The following CCDC3 variants were observed in gnomAD, a reference collection of about 807,000 sequenced individuals.
The protein encoded by CCDC3 is coiled-coil domain containing 3, also known as coiled-coil domain-containing protein 3.
In CCDC3, 24 loss-of-function variants were observed where a neutral mutation model predicts 21.4. The ratio of observed to expected loss-of-function variants is 1.12; its 90% confidence interval spans 0.81 to 1.58. CCDC3 has a LOEUF of 1.58. Ranked by LOEUF, CCDC3 falls within the 40% of genes most tolerant of loss-of-function variation. The probability of loss-of-function intolerance (pLI) is 0.00; values close to 1 mark genes in which losing one functional copy is unlikely to be tolerated. For synonymous variants in CCDC3, 186 were observed against 166.0 expected (o/e 1.12, Z -0.93); for missense variants, 425 against 360.9 (o/e 1.18, Z -1.44).
intron 2 of CCDC3, among the ~76,000 whole-genome samples, chr10:12,902,112 A>G (rs1467167897): frequency 6.6e-6 from 1 of 152,242 alleles, no homozygotes; most frequent in South Asian, 2.1e-4. Context: ...GACATTCACA[A>G]GTCACAAGCT....
At position 13,009,286 on chromosome 10, in the gene CCDC3, A is replaced by T. The variant is rs190228023; in HGVS notation, c.-1-10774T>A. 2.6e-3 allele frequency among the ~76,000 whole-genome samples: 400 copies of T among 152,310 alleles called. 3 individuals carry two copies. Among genetic ancestry groups the T allele is most frequent in the African/African-American group, 9.2e-3 (384 of 41,582 alleles). ...AAATTGAAGAATATTTTGAAAATGG[A>T]GATATATATTTTTTTCATAGGTTGG... is the stretch of plus-strand genomic sequence containing the variant. On this transcript the variant is annotated intron_variant, in intron 5 of 6. Coordinates refer to the CCDC3 transcript ENST00000378839.
chr10:13,054,406 AT>A (rs965767342), intron 4 of CCDC3, among the ~76,000 whole-genome samples: 17 of 151,024 alleles, frequency 1.1e-4, no homozygotes, highest in Non-Finnish European at 3.0e-5. Flanking sequence ...GATTGCTTCC[AT>A]TTTTTTTGTC....
chr10:13,078,620 T>A (rs1029924848), intron 3 of CCDC3, among the ~76,000 whole-genome samples: 4 of 152,150 alleles, frequency 2.6e-5, no homozygotes, highest in Non-Finnish European at 4.4e-5. Context: ...CAAATGTCCA[T>A]CAATGATAGA....
chr10:12,915,666 G>T (rs1410963916), intron 2 of CCDC3, among the ~76,000 whole-genome samples: 2 of 152,194 alleles, frequency 1.3e-5, no homozygotes, highest in East Asian at 3.9e-4. Flanking sequence ...AGGCTGTCTT[G>T]TGTGGTCATG....
chr10:13,011,185 G>GAAA (rs1201426446), intron 5 of CCDC3, among the ~76,000 whole-genome samples: 7 of 138,162 alleles, frequency 5.1e-5, no homozygotes, highest in Admixed American at 1.4e-4. Context: ...TGTCTCAGAA[G>GAAA]AAAAAAAAAA....
chr10:12,917,938 T>C (rs775643372), intron 2 of CCDC3, among the ~76,000 whole-genome samples: 1 of 152,234 alleles, frequency 6.6e-6, no homozygotes, highest in African/African-American at 2.4e-5. Context: ...CTTAGAAGTA[T>C]GGCTTTATGT....
intron 2 of CCDC3, among the ~76,000 whole-genome samples, chr10:12,945,692 T>A (rs1834905435): frequency 6.6e-6 from 1 of 152,216 alleles, no homozygotes; most frequent in African/African-American, 2.4e-5. Context: ...AAGTAATTGG[T>A]CTAGGAAATA....
At chr10:12,973,485 T>A (rs1401750454) in intron 2 of CCDC3, among the ~76,000 whole-genome samples, 1 of 152,202 alleles carries the variant, frequency 6.6e-6, no homozygotes, top group Non-Finnish European at 1.5e-5. Flanking sequence ...GGAATGCCAC[T>A]GGTCCTTGCC....
intron 3 of CCDC3, among the ~76,000 whole-genome samples, chr10:13,081,694 G>T (rs1837040874): frequency 6.6e-6 from 1 of 152,136 alleles, no homozygotes; most frequent in Admixed American, 6.5e-5. Flanking sequence ...CAGACACAAT[G>T]ACAAGACCAA....
chr10:12,936,543 CT>C (rs1834741239), intron 2 of CCDC3, among the ~76,000 whole-genome samples: 1 of 152,054 alleles, frequency 6.6e-6, no homozygotes. Context: ...AATATTTTAT[CT>C]TTGATTTTCT....
At chr10:13,040,687 TCA>T (rs10653974) in intron 5 of CCDC3, among the ~76,000 whole-genome samples, 6,798 of 142,696 alleles carry the variant, frequency 0.048, 224 homozygotes, top group Admixed American at 0.12. Flanking sequence ...CAAAACTCTG[TCA>T]CACACACACA....
rs1412637586 is a variant in CCDC3 at position 13,001,085 on chromosome 10, C to T, written c.374+112G>A. The stretch of plus-strand genomic sequence containing the variant: ...GGGGTAGGCGCCCCAGGGGCATTCT[C>T]ACTTGACACCGACAGGCTGCCCGGG... On this transcript the variant is annotated intron_variant, in intron 1 of 2. Coordinates refer to ENST00000378825, the MANE Select transcript of CCDC3 (RefSeq NM_031455.4). 7 of 1,381,008 alleles carry T rather than the reference C, an allele frequency of 5.1e-6. No individual in the cohort carries two copies. In the East Asian group the frequency reaches 1.5e-4, roughly 30 times the overall value. 85.5% of individuals were successfully genotyped at this position (1,381,008 alleles called of 1,614,324 possible).
intron 2 of CCDC3, among the ~76,000 whole-genome samples, chr10:12,910,747 C>T (rs1022911335): frequency 6.6e-6 from 1 of 151,760 alleles, no homozygotes; most frequent in Non-Finnish European, 1.5e-5. Context: ...GTAGCTGGGA[C>T]TACAGGCACC....
intron 2 of CCDC3, among the ~76,000 whole-genome samples, chr10:12,931,726 C>T (rs980080884): frequency 1.3e-5 from 2 of 152,180 alleles, no homozygotes; most frequent in Non-Finnish European, 2.9e-5. Context: ...TATGTAGACT[C>T]ATTACTGTTT....
upstream of CCDC3, among the ~76,000 whole-genome samples, chr10:13,003,351 G>A (rs1341873725): frequency 6.6e-6 from 1 of 152,196 alleles, no homozygotes; most frequent in Non-Finnish European, 1.5e-5. Context: ...AACAGGCACA[G>A]AGAAGTTAAT....
chr10:12,994,635 A>T (rs1388164355), intron 2 of CCDC3, among the ~76,000 whole-genome samples: 1 of 152,190 alleles, frequency 6.6e-6, no homozygotes, highest in Non-Finnish European at 1.5e-5. Flanking sequence ...AAGAGTGATC[A>T]TAACAGCAAT....
intron 4 of CCDC3, among the ~76,000 whole-genome samples, chr10:13,064,076 C>A (rs1409097595): frequency 1.3e-5 from 2 of 152,104 alleles, no homozygotes; most frequent in Non-Finnish European, 2.9e-5. Context: ...TACAGGTGCA[C>A]ACCACCATGC....
intron 2 of CCDC3, among the ~76,000 whole-genome samples, chr10:12,921,012 C>G (rs948294585): frequency 6.6e-6 from 1 of 152,190 alleles, no homozygotes; most frequent in Admixed American, 6.5e-5. Context: ...TGAGAACATT[C>G]TCTTTGCAGA....
intron 2 of CCDC3, among the ~76,000 whole-genome samples, chr10:12,949,718 G>A (rs927394269): frequency 2.6e-5 from 4 of 152,138 alleles, no homozygotes; most frequent in Admixed American, 2.6e-4. Context: ...GCTCTTTTCA[G>A]GAGATCCTAT....
Sources: gnomAD v4.1 joint callset for allele counts (sites outside exome capture counted in the v4.1 genomes callset) on GRCh38, gnomAD v4.1.1 for gene constraint, MANE v1.5 for transcripts, NCBI Gene and HGNC (gene_info 2026-07-23, HGNC 2026-07-21) for gene names.